ZNF44: variants seen among roughly 807,000 people sequenced by gnomAD.
ZNF44 encodes the protein gonadotropin inducible transcription repressor-2.
ZNF44 carries 9 observed loss-of-function variants against 11.7 expected under a neutral mutation model. That is an observed-to-expected ratio of 0.77 (90% CI 0.46 to 1.35). ZNF44 has a LOEUF of 1.35. ZNF44 is among the 40% of genes most tolerant of loss of function. ZNF44 has a pLI of 0.00. For missense variants in ZNF44, 696 were observed against 743.1 expected, an observed-to-expected ratio of 0.94 and a Z score of 0.74; for synonymous variants, 224 against 242.7, an observed-to-expected ratio of 0.92 and a Z score of 0.72.
chr19:12,293,259 C>T, intron 1 of ZNF44: 1 of 1,536,904 alleles, frequency 6.5e-7, no homozygotes, highest in Non-Finnish European at 8.7e-7. Context: ...CCCACTCCAA[C>T]ACCTCAGGCT....
intron 1 of ZNF44, chr19:12,291,186 A>G (rs1181791069): frequency 9.1e-6 from 4 of 441,554 alleles, no homozygotes; most frequent in African/African-American, 4.1e-5. Context: ...AGAATGTTGC[A>G]TTAATCTGCC....
intron 5 of ZNF44, among the ~76,000 whole-genome samples, chr19:12,254,885 A>T (rs1018846383): frequency 1.3e-5 from 2 of 152,216 alleles, no homozygotes; most frequent in African/African-American, 4.8e-5. Context: ...CAAGAGTTCG[A>T]GACCAGCCTG....
At chr19:12,270,751 C>A (rs777694885), downstream of ZNF44, among the ~76,000 whole-genome samples, 45 of 152,256 alleles carry the variant, frequency 3.0e-4, no homozygotes, top group Non-Finnish European at 5.0e-4. Context: ...GTGTGCCCAG[C>A]CCCACCTCAA....
intron 3 of ZNF44, among the ~76,000 whole-genome samples, chr19:12,229,927 G>A (rs1485460154): frequency 6.6e-6 from 1 of 152,040 alleles, no homozygotes; most frequent in Non-Finnish European, 1.5e-5. Flanking sequence ...GAAAGATTTA[G>A]GAAGAAAGAT....
chr19:12,270,030 TA>T (rs1239628216), downstream of ZNF44, among the ~76,000 whole-genome samples: 2 of 152,202 alleles, frequency 1.3e-5, no homozygotes, highest in African/African-American at 4.8e-5. Context: ...TTCACAGTTT[TA>T]ATAGATTTCC....
At chr19:12,249,891 C>A in intron 7 of ZNF44, 1 of 939,224 alleles carries the variant, frequency 1.1e-6, no homozygotes, top group South Asian at 1.5e-5. Context: ...TGAGGCTCAG[C>A]TTGTTTTGTT....
At chr19:12,246,459 A>G (rs1015547199), downstream of ZNF44, among the ~76,000 whole-genome samples, 4 of 152,224 alleles carry the variant, frequency 2.6e-5, no homozygotes, top group Admixed American at 2.6e-4. Context: ...GAATATATAT[A>G]TAATGGATAA....
chr19:12,253,187 C>CTTTTT (rs763591024), intron 5 of ZNF44, among the ~76,000 whole-genome samples: 4 of 110,244 alleles, frequency 3.6e-5, no homozygotes, highest in Non-Finnish European at 3.7e-5. Flanking sequence ...CTGCACCTGG[C>CTTTTT]TTTTTTTTTT....
At chr19:12,247,542 TG>T (rs1264120619), downstream of ZNF44, 1 of 1,349,550 alleles carries the variant, frequency 7.4e-7, no homozygotes. Context: ...CTCTCCAGTG[TG>T]GGTTCTTTCA....
intron 2 of ZNF44, among the ~76,000 whole-genome samples, chr19:12,234,435 A>G (rs1243613685): frequency 6.6e-6 from 1 of 152,172 alleles, no homozygotes; most frequent in African/African-American, 2.4e-5. Context: ...TTTTCTATTG[A>G]TCTTTAATGT....
At chr19:12,233,550 C>CAAAAAAA (rs58060175) in intron 2 of ZNF44, among the ~76,000 whole-genome samples, 8 of 80,850 alleles carry the variant, frequency 9.9e-5, no homozygotes, top group East Asian at 3.5e-4. Flanking sequence ...ACCCATACAT[C>CAAAAAAA]AAAAAAAAAA....
chr19:12,268,740 AT>A (rs34705958), downstream of ZNF44, among the ~76,000 whole-genome samples: 28,543 of 137,506 alleles, frequency 0.21, 3,610 homozygotes, highest in African/African-American at 0.39. Flanking sequence ...TGCCTGGCTA[AT>A]TTTTTTTTTT....
chr19:12,292,828 A>G (rs534680687), intron 1 of ZNF44, among the ~76,000 whole-genome samples: 3 of 151,832 alleles, frequency 2.0e-5, no homozygotes, highest in African/African-American at 7.2e-5. Context: ...GGCTTGGGGA[A>G]AAAAATGTCA....
intron 2 of ZNF44, among the ~76,000 whole-genome samples, chr19:12,230,980 T>C (rs1000357381): frequency 6.6e-6 from 1 of 152,168 alleles, no homozygotes; most frequent in African/African-American, 2.4e-5. Flanking sequence ...GGAATGTTTC[T>C]GGTTGGAGAT....
At chr19:12,255,132 A>ACACC (rs373440877) in intron 5 of ZNF44, among the ~76,000 whole-genome samples, 1,877 of 145,096 alleles carry the variant, frequency 0.013, 39 homozygotes, top group African/African-American at 0.046. Context: ...ACACACACAC[A>ACACC]CCCCTTTGTG....
Position 12,273,371 on chromosome 19 carries a change from G to C in ZNF44, c.884C>G (p.Ser295Cys), listed in dbSNP as rs1967057663. ...QCGKAFSVSGSLRVHERIHTG... is the reference protein window; with the variant it reads ...QCGKAFSVSGCLRVHERIHTG... ...GTGAATTCTTTCATGTACTCGAAGGGAACCGGAAACACTGAAGGCTTTCCC... is the reference window on the plus strand; with the variant it reads ...GTGAATTCTTTCATGTACTCGAAGGCAACCGGAAACACTGAAGGCTTTCCC... Residue 295 changes from serine (S) to cysteine (C), a missense_variant, in exon 4 of 4, where the codon TCC becomes TGC. Transcript: ENST00000355684. 1 of 1,613,190 alleles carries C rather than the reference G, an allele frequency of 6.2e-7. No homozygotes were observed.
Position 12,273,102 on chromosome 19 carries a change from TC to T in ZNF44, c.1152del (p.Met384IlefsTer136). 6.2e-7 allele frequency: 1 copy of T among 1,614,032 alleles called. No homozygotes were observed. Among genetic ancestry groups the T allele is most frequent in the Non-Finnish European group, 8.5e-7 (1 of 1,179,900 alleles). ...LSHRSSFRRHMMAHTGDGPHK... is the reference protein window; with the variant it reads ...LSHRSSFRRHXMAHTGDGPHK... ...TGAGGGCCATCTCCAGTGTGTGCCATCATGTGTCTTCGAAAGCTTGAGCGAT... is the reference window on the plus strand; with the variant it reads ...TGAGGGCCATCTCCAGTGTGTGCCATATGTGTCTTCGAAAGCTTGAGCGAT... On this transcript the variant is annotated frameshift_variant, in exon 4 of 4. Coordinates refer to ENST00000355684, the MANE Select transcript of ZNF44 (RefSeq NM_016264.4). LOFTEE classifies it low-confidence loss of function (END_TRUNC).
intron 1 of ZNF44, among the ~76,000 whole-genome samples, chr19:12,278,236 C>A (rs1967315233): frequency 6.6e-6 from 1 of 152,236 alleles, no homozygotes; most frequent in South Asian, 2.1e-4. Flanking sequence ...CAAGTTCCTG[C>A]TGCAGATAAC....
chr19:12,230,845 G>A (rs930441837), intron 2 of ZNF44, among the ~76,000 whole-genome samples: 5 of 152,182 alleles, frequency 3.3e-5, no homozygotes, highest in African/African-American at 1.2e-4. Context: ...TGGTTTTAGG[G>A]TGAGGGGGCT....
Sources: gnomAD v4.1 joint callset for allele counts (sites outside exome capture counted in the v4.1 genomes callset) on GRCh38, gnomAD v4.1.1 for gene constraint, MANE v1.5 for transcripts, NCBI Gene and HGNC (gene_info 2026-07-23, HGNC 2026-07-21) for gene names.